The following PSMD12 variants were observed in gnomAD, a reference collection of about 807,000 sequenced individuals.
The protein encoded by PSMD12 is proteasome 26S subunit, non-ATPase 12.
A neutral mutation model predicts 62.9 loss-of-function variants in PSMD12; 8 were observed. The ratio of observed to expected loss-of-function variants is 0.13; its 90% CI spans 0.07 to 0.23. The LOEUF (loss-of-function observed/expected upper bound fraction) is 0.23, where lower values mean the gene tolerates loss of function less well. PSMD12 is among the 10% of genes least tolerant of loss of function. The probability of loss-of-function intolerance (pLI) is 1.00; values close to 1 mark genes in which losing one functional copy is unlikely to be tolerated. For synonymous variants in PSMD12, 173 were observed against 187.4 expected, an observed-to-expected ratio of 0.92 and a Z score of 0.63; for missense variants, 424 against 550.2, an observed-to-expected ratio of 0.77 and a Z score of 2.29.
At chr17:67,357,001 C>T (rs544828286) in intron 3 of PSMD12, among the ~76,000 whole-genome samples, 1 of 152,028 alleles carries the variant, frequency 6.6e-6, no homozygotes, top group East Asian at 1.9e-4. Context: ...CAGAGTGAGA[C>T]CCTGTCTCAA....
intron 3 of PSMD12, among the ~76,000 whole-genome samples, chr17:67,356,577 A>G (rs1239508574): frequency 6.8e-6 from 1 of 147,244 alleles, no homozygotes; most frequent in Non-Finnish European, 1.5e-5. Flanking sequence ...AAAAAAAAAA[A>G]AAAAAAAAAG....
intron 8 of PSMD12, 147 bp downstream of exon 8, chr17:67,345,598 C>T (rs1598557341): frequency 1.5e-6 from 1 of 650,418 alleles, no homozygotes; most frequent in Non-Finnish European, 2.7e-6. Context: ...GCTGAGATTA[C>T]ACCATTACAC....
At chr17:67,357,123 C>T (rs150542761) in intron 3 of PSMD12, 180 bp downstream of exon 3, 134 of 616,786 alleles carry the variant, frequency 2.2e-4, no homozygotes, top group Non-Finnish European at 2.9e-4. Flanking sequence ...CATATAAAGA[C>T]TAGAAGAAAA....
At chr17:67,344,350 G>A (rs62086000) in intron 9 of PSMD12, among the ~76,000 whole-genome samples, 13,966 of 152,170 alleles carry the variant, frequency 0.092, 839 homozygotes, top group East Asian at 0.19. Context: ...AACCCAAGAT[G>A]AGTGAGATAC....
chr17:67,339,264 C>G lies in PSMD12; in HGVS notation c.*1579G>C, dbSNP rs1373939923. 4 of 145,782 alleles carry G rather than the reference C, an allele frequency of 2.7e-5. No individual in the cohort carries two copies. The East Asian group carries it at 8.1e-4, about 29-fold the overall frequency. 9.0% of individuals were successfully genotyped at this position (145,782 alleles called of 1,614,324 possible). A position where few individuals can be genotyped will look rare whatever the true frequency, so the allele number is the denominator to read the frequency against. On this transcript the variant is annotated 3_prime_UTR_variant, in exon 11 of 11. Transcript: ENST00000356126. ...CTGGGACTACAGGCACACGCCACCACGCCCGGCAAATTTTTGTATTTTTTT... is the reference window on the plus strand; with the variant it reads ...CTGGGACTACAGGCACACGCCACCAGGCCCGGCAAATTTTTGTATTTTTTT...
rs1192855564 is a variant in PSMD12 at position 67,366,552 on chromosome 17, T to G, written c.-33A>C. 1 of 1,566,446 alleles carries G rather than the reference T, an allele frequency of 6.4e-7. No individual in the cohort carries two copies. The highest frequency in any genetic ancestry group is 2.3e-5 in the East Asian group (1 of 43,358). On this transcript the variant is annotated 5_prime_UTR_variant, in exon 1 of 11. Coordinates refer to ENST00000356126, the MANE Select transcript of PSMD12 (RefSeq NM_002816.5). The stretch of plus-strand genomic sequence containing the variant: ...GCCTGAGCGTCCCTTGCTGTCCCCC[T>G]GCTTCGGCCACCACTCGTCACCCAC...
chr17:67,341,615 T>TACTG (rs1170110716), intron 10 of PSMD12, among the ~76,000 whole-genome samples: 2 of 151,590 alleles, frequency 1.3e-5, no homozygotes, highest in East Asian at 3.9e-4. Flanking sequence ...GCAAGCTCAA[T>TACTG]ACTGCTGGTA....
At chr17:67,362,340 G>C (rs562385656) in intron 1 of PSMD12, among the ~76,000 whole-genome samples, 2 of 152,256 alleles carry the variant, frequency 1.3e-5, no homozygotes, top group East Asian at 3.9e-4. Flanking sequence ...CCGACACAGG[G>C]TGCTTACACA....
chr17:67,347,624 C>T (rs2041980364), intron 5 of PSMD12, 139 bp from the exon 6 acceptor site: 2 of 790,628 alleles, frequency 2.5e-6, no homozygotes, highest in Non-Finnish European at 1.8e-6. Flanking sequence ...TTGACAATTA[C>T]ATTAAAAGCT....
At chr17:67,366,089 G>A (rs2042176053) in intron 1 of PSMD12, among the ~76,000 whole-genome samples, 2 of 152,190 alleles carry the variant, frequency 1.3e-5, no homozygotes, top group African/African-American at 2.4e-5. Context: ...TAATACTGAA[G>A]CGGCCTTAAC....
In PSMD12 at chr17:67,347,204, T is replaced by C. The variant is rs1164171759; in HGVS notation, c.707A>G (p.His236Arg). 1 of 1,613,652 alleles carries C rather than the reference T, an allele frequency of 6.2e-7. No homozygotes were observed. Among genetic ancestry groups the C allele is most frequent in the Non-Finnish European group, 8.5e-7 (1 of 1,179,762 alleles). ...ACAAATAGACAAATAGGATCCCTCA[T>C]GTTGATCCAGCTGAATCATTAAATT... ...YYNLMIQLDQ[H>R]EGSYLSICKH... Residue 236 changes from histidine to arginine, a missense_variant, in exon 7 of 11, where the codon CAT becomes CGT. His to Arg is a conservative substitution (Grantham distance 29, BLOSUM62 0). Transcript: ENST00000356126.
chr17:67,364,507 T>C (rs533307746), intron 1 of PSMD12, among the ~76,000 whole-genome samples: 23 of 152,344 alleles, frequency 1.5e-4, no homozygotes, highest in African/African-American at 5.5e-4. Context: ...TCTCATAGTG[T>C]CTAACACTGA....
intron 3 of PSMD12, among the ~76,000 whole-genome samples, chr17:67,356,876 CG>C (rs2143723151): frequency 6.6e-6 from 1 of 151,646 alleles, no homozygotes; most frequent in South Asian, 2.1e-4. Flanking sequence ...CCAGGTGTGG[CG>C]GCATGCGCTT....
At chr17:67,359,660 G>A (rs1210521676) in intron 1 of PSMD12, among the ~76,000 whole-genome samples, 7 of 151,954 alleles carry the variant, frequency 4.6e-5, no homozygotes, top group South Asian at 2.1e-4. Flanking sequence ...TCTTCCATGC[G>A]GCACAGCATA....
chr17:67,346,407 A>AC (rs1193915574), intron 7 of PSMD12, among the ~76,000 whole-genome samples: 1 of 150,506 alleles, frequency 6.6e-6, no homozygotes, highest in Non-Finnish European at 1.5e-5. Flanking sequence ...AAAAAAAGAA[A>AC]AAAAAAAATT....
chr17:67,348,441 T>C (rs2143699196), intron 5 of PSMD12, 109 bp downstream of exon 5: 1 of 884,018 alleles, frequency 1.1e-6, no homozygotes. Flanking sequence ...AAATCCAAAA[T>C]AATTATTGGT....
At chr17:67,346,033 TGA>T (rs2143692537) in intron 7 of PSMD12, among the ~76,000 whole-genome samples, 176 bp from the exon 8 acceptor site, 1 of 152,244 alleles carries the variant, frequency 6.6e-6, no homozygotes, top group Non-Finnish European at 1.5e-5. Flanking sequence ...GCAGATCTCC[TGA>T]GGTCAGATCG....
intron 8 of PSMD12, among the ~76,000 whole-genome samples, chr17:67,345,068 TTG>T (rs767665172): frequency 9.8e-5 from 15 of 152,316 alleles, no homozygotes; most frequent in Admixed American, 1.3e-4. Flanking sequence ...TAAGAGCCTG[TTG>T]TGTTTATGAT....
chr17:67,340,767 C>A lies in PSMD12; in HGVS notation c.*76G>T. ...AGACAAAGAAGCTTAGAAAAAAAACCCCAACATATACACCATTATAACAGT... is the reference window on the plus strand; with the variant it reads ...AGACAAAGAAGCTTAGAAAAAAAACACCAACATATACACCATTATAACAGT... On this transcript the variant is annotated 3_prime_UTR_variant, in exon 11 of 11. Transcript: ENST00000356126. 2 of 1,187,554 alleles carry A rather than the reference C, an allele frequency of 1.7e-6. No homozygotes were observed. The highest frequency in any genetic ancestry group is 1.1e-6 in the Non-Finnish European group (1 of 871,852). The allele number at this position is 1,187,554 out of a possible 1,614,324, so 73.6% of individuals were successfully genotyped here. A position where few individuals can be genotyped will look rare whatever the true frequency, so the allele number is the denominator to read the frequency against.
Sources: allele counts gnomAD v4.1 joint callset (sites outside exome capture counted in the v4.1 genomes callset), GRCh38; gene constraint gnomAD v4.1.1; transcripts MANE v1.5; gene names NCBI Gene and HGNC (gene_info 2026-07-23, HGNC 2026-07-21).